NCAPD3: variants seen among roughly 807,000 people sequenced by gnomAD.
NCAPD3 encodes condensin-2 complex subunit D3.
Under a neutral mutation model 182.9 loss-of-function variants are expected in NCAPD3, and 105 were observed. The observed-to-expected ratio is 0.57, with a 90% CI of 0.49 to 0.68. NCAPD3 has a LOEUF of 0.68. Ranked by LOEUF, NCAPD3 falls within the 30% of genes least tolerant of loss-of-function variation. The pLI is 0.00. For synonymous variants in NCAPD3, 815 were observed against 679.9 expected (o/e 1.20, Z -3.09); for missense variants, 1,944 against 1,837.0 (o/e 1.06, Z -1.07).
At chr11:134,168,853 C>T (rs1417540109) in intron 25 of NCAPD3, 64 bp downstream of exon 25, 2 of 1,558,194 alleles carry the variant, frequency 1.3e-6, no homozygotes, top group African/African-American at 1.4e-5. Flanking sequence ...AAGAGCCTAA[C>T]CTCCCCTGAT....
At chr11:134,170,772 C>G (rs1943987742) in intron 24 of NCAPD3, among the ~76,000 whole-genome samples, 1 of 152,156 alleles carries the variant, frequency 6.6e-6, no homozygotes, top group South Asian at 2.1e-4. Context: ...AACATAAAAC[C>G]ATGCCAGGAT....
chr11:134,165,442 G>C (rs1443794457), intron 27 of NCAPD3, among the ~76,000 whole-genome samples: 1 of 149,190 alleles, frequency 6.7e-6, no homozygotes, highest in Non-Finnish European at 1.5e-5. Flanking sequence ...CGTGAGATGA[G>C]CTTAGGGGAG....
At chr11:134,206,377 G>A (rs929517734) in intron 8 of NCAPD3, among the ~76,000 whole-genome samples, 9 of 152,186 alleles carry the variant, frequency 5.9e-5, no homozygotes, top group African/African-American at 1.2e-4. Context: ...GCGCTGGCCC[G>A]TGTTCTGCAG....
At chr11:134,189,972 T>TA (rs1944490120) in intron 16 of NCAPD3, among the ~76,000 whole-genome samples, 1 of 152,244 alleles carries the variant, frequency 6.6e-6, no homozygotes, top group Admixed American at 6.5e-5. Context: ...TTGGTTTTTA[T>TA]ATCCAAAGAT....
rs550302325 is a variant in NCAPD3, at chr11:134,157,205, G to A, written c.4175-110C>T. 9.0e-6 allele frequency: 7 copies of A among 776,398 alleles called. No individual in the cohort carries two copies. The East Asian group carries it at 1.1e-4, about 13-fold the overall frequency. The allele number at this position is 776,398 out of a possible 1,614,324, so 48.1% of individuals were successfully genotyped here. Reference sequence around the variant, plus strand: ...AAGACGTAAAGTCAAAATCACTAGTGTTTACAATTTTCTTATAAAGAGGCA... The same window carrying A: ...AAGACGTAAAGTCAAAATCACTAGTATTTACAATTTTCTTATAAAGAGGCA... On this transcript the variant is annotated intron_variant, in intron 31 of 34. Transcript: ENST00000534548.
chr11:134,217,910 G>A (rs578144442), intron 2 of NCAPD3, among the ~76,000 whole-genome samples: 6 of 152,144 alleles, frequency 3.9e-5, no homozygotes, highest in African/African-American at 1.4e-4. Context: ...AACAGCCAGG[G>A]CAACAAAGCA....
In NCAPD3 at chr11:134,204,124, G is replaced by C. The variant is rs1020655046; in HGVS notation, c.1137C>G (p.Val379=). 1.2e-6 allele frequency: 2 copies of C among 1,613,922 alleles called. No individual in the cohort carries two copies. The highest frequency in any genetic ancestry group is 1.7e-6 in the Non-Finnish European group (2 of 1,179,996). Residue 379 remains valine (V), a synonymous_variant, in exon 10 of 35, where the codon GTC becomes GTG. Transcript: ENST00000534548. This position sits in a 1 kb window ranked among gnomAD's most constrained non-coding sequence, Gnocchi z 4.3. The part of the protein sequence containing the change: ...EYRTFAAQSL[V]QLLSKLPCGE... ...CACAAGGAAGTTTACTGAGCAGCTG[G>C]ACTAGGGACTGGGCTGCAAAAGTAC...
rs139987128 is a variant in NCAPD3 at position 134,185,458 on chromosome 11, T to A, written c.2114A>T (p.Asn705Ile). Residue 705 changes from asparagine to isoleucine, a missense_variant, in exon 17 of 35, where the codon AAT (asparagine) becomes ATT (isoleucine). Asn to Ile is a moderately radical substitution (Grantham distance 149). This residue lies in a region of NCAPD3 where 1,803 missense variants were observed against 1,674.6 expected (regional missense o/e 1.08). Coordinates refer to ENST00000534548, the MANE Select transcript of NCAPD3 (RefSeq NM_015261.3). The part of the protein sequence containing the change: ...KEKFSPTFIN[N>I]VISHTGTEHS... The stretch of plus-strand genomic sequence containing the variant: ...TTCCGTGCCAGTGTGAGATATTACA[T>A]TGTTTATAAAAGTGGGTGAGAATTT... 1 of 1,613,794 alleles carries A rather than the reference T, an allele frequency of 6.2e-7. No individual in the cohort carries two copies. Among genetic ancestry groups the A allele is most frequent in the South Asian group, 1.1e-5 (1 of 91,012 alleles).
At chr11:134,165,744 CACTT>C (rs1235740443) in intron 27 of NCAPD3, among the ~76,000 whole-genome samples, 4 of 145,490 alleles carry the variant, frequency 2.7e-5, no homozygotes, top group East Asian at 2.1e-4. Flanking sequence ...GCTGCACACT[CACTT>C]GTGAGATGAG....
chr11:134,201,574 A>C (rs1190397001), intron 13 of NCAPD3, among the ~76,000 whole-genome samples: 1 of 152,220 alleles, frequency 6.6e-6, no homozygotes, highest in East Asian at 1.9e-4. Context: ...CTAAGTGACT[A>C]TACAAAATTT....
rs781103347 is a variant in NCAPD3, at chr11:134,158,021, C to T, written c.4081G>A (p.Ala1361Thr). The T allele has an allele frequency of 5.6e-6, 9 of 1,614,076 alleles. No homozygotes were observed. Among genetic ancestry groups the T allele is most frequent in the Non-Finnish European group, 6.8e-6 (8 of 1,180,042 alleles). ...TIAILNSVKK[A>T]VESKSRHRSR... ...CGATGCCTGCTCTTTGACTCCACGG[C>T]TTTCTTGACAGAATTCAGGATTGCA... Residue 1361 changes from alanine (A) to threonine (T), a missense_variant, in exon 31 of 35, where the codon GCC becomes ACC. By Grantham distance (58) the Ala-to-Thr change is moderately conservative. Transcript: ENST00000534548.
intron 22 of NCAPD3, chr11:134,178,368 T>C (rs1162192396): frequency 3.4e-6 from 1 of 293,856 alleles, no homozygotes. Context: ...TAAATTAACA[T>C]AACCCTACTG....
intron 2 of NCAPD3, among the ~76,000 whole-genome samples, chr11:134,218,966 G>A (rs745707215): frequency 1.3e-5 from 2 of 152,120 alleles, no homozygotes; most frequent in Non-Finnish European, 2.9e-5. Context: ...GGCTGCTTGA[G>A]GATTAAATGA....
intron 13 of NCAPD3, among the ~76,000 whole-genome samples, chr11:134,199,049 CAAG>C (rs1185798653): frequency 6.6e-6 from 1 of 151,984 alleles, no homozygotes; most frequent in Non-Finnish European, 1.5e-5. Context: ...TATCAAAATC[CAAG>C]ATGGCTTTTT....
At chr11:134,162,395 C>A (rs947622524) in intron 27 of NCAPD3, among the ~76,000 whole-genome samples, 5 of 152,164 alleles carry the variant, frequency 3.3e-5, no homozygotes, top group African/African-American at 1.2e-4. Context: ...CTACAAAATA[C>A]TATGAATTTA....
In NCAPD3 at chr11:134,160,129, C is replaced by G. The variant is rs1435661840; in HGVS notation, c.3685-55G>C. The G allele has an allele frequency of 2.5e-6, 4 of 1,576,168 alleles. No individual in the cohort carries two copies. In the African/African-American group the frequency reaches 5.4e-5, roughly 21 times the overall value. On this transcript the variant is annotated intron_variant, in intron 28 of 34. Transcript: ENST00000534548. ...GTTTTCTTGAATAAAAACGTAAAGC[C>G]CTAAACCCCCACGACACACCTTCGC... is the stretch of plus-strand genomic sequence containing the variant.
intron 25 of NCAPD3, 56 bp downstream of exon 25, chr11:134,168,861 G>A: frequency 1.3e-6 from 2 of 1,570,450 alleles, no homozygotes. Context: ...AACCTCCCCT[G>A]ATTCCCCCAG....
In NCAPD3 at chr11:134,193,992, C is replaced by A. The variant is rs763878505; in HGVS notation, c.1824+24G>T. The A allele has an allele frequency of 1.9e-6, 3 of 1,597,338 alleles. No individual in the cohort carries two copies. The South Asian group carries it at 3.3e-5, about 18-fold the overall frequency. On this transcript the variant is annotated intron_variant, in intron 15 of 34. Coordinates refer to ENST00000534548, the MANE Select transcript of NCAPD3 (RefSeq NM_015261.3). Reference sequence around the variant, plus strand: ...TTTTAATGTAAAATACCATGCATTACATATATAATGTCCTGCCTCTCACCA... The same window carrying A: ...TTTTAATGTAAAATACCATGCATTAAATATATAATGTCCTGCCTCTCACCA...
rs1489364327 is a variant in NCAPD3, at chr11:134,203,697, A to G, written c.1425T>C (p.Thr475=). ...LSSFAHCLEL[T]VTSASESILE... ...GGATACTCTCCGACGCACTGGTAAC[A>G]GTCAACTCCAGACAGTGTGCAAAGC... Residue 475 remains threonine (T), a synonymous_variant, in exon 11 of 35, where the codon ACT becomes ACC. Coordinates refer to ENST00000534548, the MANE Select transcript of NCAPD3 (RefSeq NM_015261.3). 1.2e-6 allele frequency: 2 copies of G among 1,613,974 alleles called. No individual in the cohort carries two copies. The highest frequency in any genetic ancestry group is 1.3e-5 in the African/African-American group (1 of 74,938).
Sources: gnomAD v4.1 joint callset for allele counts (sites outside exome capture counted in the v4.1 genomes callset) on GRCh38, gnomAD v4.1.1 for gene constraint, gnomAD v4.1.1 regional missense constraint, Gnocchi (gnomAD v3.1) non-coding constraint, MANE v1.5 for transcripts, NCBI Gene and HGNC (gene_info 2026-07-23, HGNC 2026-07-21) for gene names.